MTFR1: variants seen among roughly 807,000 people sequenced by gnomAD.
MTFR1 encodes mitochondrial fission regulator 1.
Under a neutral mutation model 38.8 loss-of-function variants are expected in MTFR1, and 28 were observed. That is an observed-to-expected ratio of 0.72 (90% CI 0.53 to 0.99). The LOEUF is 0.99. Ranked by LOEUF, MTFR1 falls within the 50% of genes least tolerant of loss-of-function variation. The probability of loss-of-function intolerance (pLI) is 0.00; values close to 1 mark genes in which losing one functional copy is unlikely to be tolerated. For synonymous variants in MTFR1, 145 were observed against 137.0 expected, an observed-to-expected ratio of 1.06 and a Z score of -0.41; for missense variants, 358 against 395.5, an observed-to-expected ratio of 0.91 and a Z score of 0.81.
chr8:65,665,279 T>G (rs1357044198), intron 1 of MTFR1, among the ~76,000 whole-genome samples: 1 of 152,148 alleles, frequency 6.6e-6, no homozygotes, highest in Non-Finnish European at 1.5e-5. Flanking sequence ...CCTTTCTCCT[T>G]GCCTGTTTTT....
chr8:65,681,685 T>C (rs928143415), intron 2 of MTFR1, among the ~76,000 whole-genome samples: 10 of 151,570 alleles, frequency 6.6e-5, no homozygotes, highest in African/African-American at 2.4e-4. Flanking sequence ...TTTTTTTTTT[T>C]TTGCTTTGAG....
At chr8:65,754,069 G>A (rs2128910032) in intron 3 of MTFR1, among the ~76,000 whole-genome samples, 1 of 152,230 alleles carries the variant, frequency 6.6e-6, no homozygotes, top group Admixed American at 6.5e-5. Flanking sequence ...GCATCTGCAA[G>A]CTGAGGAGCA....
chr8:65,703,384 TTC>T (rs1458084851), intron 4 of MTFR1, among the ~76,000 whole-genome samples: 1 of 150,956 alleles, frequency 6.6e-6, no homozygotes, highest in African/African-American at 2.4e-5. Flanking sequence ...GCTGTTTATC[TTC>T]TGTTTTTGGT....
chr8:65,668,578 A>C (rs1161705848), intron 1 of MTFR1, among the ~76,000 whole-genome samples: 1 of 138,388 alleles, frequency 7.2e-6, no homozygotes, highest in East Asian at 2.1e-4. Flanking sequence ...GTTTGAGTGC[A>C]GTGGCGCTAT....
At chr8:65,644,342 A>AGGTCCCTACAGCGTGGGGTGAAAT (rs1286904930), upstream of MTFR1, among the ~76,000 whole-genome samples, 2 of 152,216 alleles carry the variant, frequency 1.3e-5, no homozygotes, top group Admixed American at 6.5e-5. Context: ...GGGTGGACAC[A>AGGTCCCTACAGCGTGGGGTGAAAT]GGTCCCTACA....
chr8:65,732,849 T>G (rs888442383), intron 3 of MTFR1, among the ~76,000 whole-genome samples: 2 of 152,176 alleles, frequency 1.3e-5, no homozygotes, highest in African/African-American at 4.8e-5. Context: ...TTTAAAACTT[T>G]GAGTGACTCT....
intron 1 of MTFR1, among the ~76,000 whole-genome samples, chr8:65,655,440 C>T (rs183277938): frequency 8.7e-4 from 133 of 152,152 alleles, no homozygotes; most frequent in African/African-American, 2.6e-3. Flanking sequence ...GACATATGTC[C>T]GATCCTGTGC....
intron 3 of MTFR1, among the ~76,000 whole-genome samples, chr8:65,729,932 C>T (rs372290480): frequency 3.3e-5 from 5 of 152,124 alleles, no homozygotes; most frequent in East Asian, 1.9e-4. Flanking sequence ...AAATGAACCT[C>T]CCACACACAG....
chr8:65,650,776 A>G (rs898878778), intron 1 of MTFR1, among the ~76,000 whole-genome samples: 1 of 152,192 alleles, frequency 6.6e-6, no homozygotes, highest in Non-Finnish European at 1.5e-5. Flanking sequence ...CACGGCAGAT[A>G]TTGCTTCAAT....
chr8:65,744,552 C>G (rs533145901), intron 3 of MTFR1, among the ~76,000 whole-genome samples: 1 of 152,078 alleles, frequency 6.6e-6, no homozygotes, highest in Non-Finnish European at 1.5e-5. Flanking sequence ...GGGCATTTTC[C>G]CCCAAACCAC....
chr8:65,668,658 T>C (rs1804468693), intron 1 of MTFR1, among the ~76,000 whole-genome samples: 3 of 151,142 alleles, frequency 2.0e-5, no homozygotes, highest in African/African-American at 7.3e-5. Context: ...GGATTACAGG[T>C]TCCTGCTACC....
At chr8:65,758,657 TC>T (rs1390354394) in intron 3 of MTFR1, among the ~76,000 whole-genome samples, 7 of 152,222 alleles carry the variant, frequency 4.6e-5, no homozygotes, top group African/African-American at 1.7e-4. Context: ...TACTTATCTT[TC>T]AAACTATACT....
intron 3 of MTFR1, among the ~76,000 whole-genome samples, chr8:65,759,977 C>T (rs73240774): frequency 0.11 from 17,040 of 152,100 alleles, 1,100 homozygotes; most frequent in Middle Eastern, 0.18. Context: ...CGGTGGCTCA[C>T]ACCTATAATC....
At chr8:65,767,742 T>A (rs1205025473) in intron 3 of MTFR1, among the ~76,000 whole-genome samples, 1 of 152,150 alleles carries the variant, frequency 6.6e-6, no homozygotes, top group Non-Finnish European at 1.5e-5. Context: ...AGGGAAGGCA[T>A]GGAAGTTCTG....
At chr8:65,684,428 T>G (rs1805007711) in intron 3 of MTFR1, among the ~76,000 whole-genome samples, 1 of 151,266 alleles carries the variant, frequency 6.6e-6, no homozygotes, top group Non-Finnish European at 1.5e-5. Context: ...TCTTGTTGCC[T>G]AGGCTGGAGT....
At chr8:65,737,826 AAT>A (rs1388131654) in intron 3 of MTFR1, among the ~76,000 whole-genome samples, 4 of 152,154 alleles carry the variant, frequency 2.6e-5, no homozygotes, top group African/African-American at 9.7e-5. Context: ...GCATGTATGA[AAT>A]ATTAAATGTC....
At chr8:65,768,968 C>T (rs1808936928) in intron 3 of MTFR1, among the ~76,000 whole-genome samples, 1 of 152,140 alleles carries the variant, frequency 6.6e-6, no homozygotes, top group African/African-American at 2.4e-5. Context: ...ACAGACATGG[C>T]CAGGCGAGGT....
intron 4 of MTFR1, 42 bp from the exon 5 acceptor site, chr8:65,704,652 C>G (rs767973957): frequency 6.4e-7 from 1 of 1,551,688 alleles, no homozygotes; most frequent in Non-Finnish European, 8.9e-7. Context: ...TTCACGTTCT[C>G]TTACAAAGCC....
chr8:65,769,297 T>A (rs7000292), intron 3 of MTFR1, among the ~76,000 whole-genome samples: 51,346 of 149,104 alleles, frequency 0.34, 10,128 homozygotes, highest in African/African-American at 0.54. Flanking sequence ...ATATTTTTTT[T>A]AAAAAATTGT....
Sources: gnomAD v4.1 joint callset for allele counts (sites outside exome capture counted in the v4.1 genomes callset) on GRCh38, gnomAD v4.1.1 for gene constraint, MANE v1.5 for transcripts, NCBI Gene and HGNC (gene_info 2026-07-23, HGNC 2026-07-21) for gene names.